The following GALNTL6 variants were observed in gnomAD, a reference collection of about 807,000 sequenced individuals.
GALNTL6 encodes polypeptide N-acetylgalactosaminyltransferase-like 6.
GALNTL6 carries 46 observed loss-of-function variants against 73.7 expected under a neutral mutation model. That is an observed-to-expected ratio of 0.62 (90% CI 0.49 to 0.80). The LOEUF is 0.80. GALNTL6 is among the 30% of genes least tolerant of loss of function. The probability of loss-of-function intolerance (pLI) is 0.00; values close to 1 mark genes in which losing one functional copy is unlikely to be tolerated. For missense variants in GALNTL6, 604 were observed against 755.0 expected (o/e 0.80, Z 2.34); for synonymous variants, 259 against 263.7 (o/e 0.98, Z 0.17).
At position 172,200,310 on chromosome 4, in the gene GALNTL6, G is replaced by A. The variant is rs1465269519; in HGVS notation, c.139-29346G>A. On this transcript the variant is annotated intron_variant, in intron 2 of 12. Coordinates refer to ENST00000506823, the MANE Select transcript of GALNTL6 (RefSeq NM_001034845.3). ...CCAGTTTAATTATGTTTAATTTAAA[G>A]TTGGAGTTTTAGGACTGCTGCTCAT... Among the ~76,000 whole-genome samples the A allele has an allele frequency of 3.3e-5, 5 of 152,132 alleles. No individual in the cohort carries two copies. In the East Asian group the frequency reaches 7.7e-4, roughly 23 times the overall value.
chr4:172,951,741 A>T (rs1211345091), intron 9 of GALNTL6, among the ~76,000 whole-genome samples: 1 of 152,254 alleles, frequency 6.6e-6, no homozygotes, highest in Non-Finnish European at 1.5e-5. Flanking sequence ...ATGAAATAAC[A>T]GAGGGAATGA....
At chr4:172,905,687 C>G (rs960058989) in intron 8 of GALNTL6, among the ~76,000 whole-genome samples, 4 of 151,674 alleles carry the variant, frequency 2.6e-5, no homozygotes, top group Non-Finnish European at 5.9e-5. Flanking sequence ...TAAAGTTTCC[C>G]TACATGGTAC....
chr4:172,602,580 G>A (rs1282664590), intron 5 of GALNTL6, among the ~76,000 whole-genome samples: 3 of 152,052 alleles, frequency 2.0e-5, no homozygotes, highest in Admixed American at 6.6e-5. Context: ...AATGGAATAT[G>A]AAAATGCTCA....
intron 2 of GALNTL6, among the ~76,000 whole-genome samples, chr4:171,857,980 G>A (rs1263677709): frequency 6.6e-6 from 1 of 152,116 alleles, no homozygotes; most frequent in African/African-American, 2.4e-5. Context: ...AAAGACATCG[G>A]TGCTTAGATC....
At chr4:172,750,652 A>G (rs1245150198) in intron 5 of GALNTL6, among the ~76,000 whole-genome samples, 2 of 152,160 alleles carry the variant, frequency 1.3e-5, no homozygotes, top group Non-Finnish European at 1.5e-5. Context: ...TTTATAATAT[A>G]ATACTCTCAA....
intron 2 of GALNTL6, among the ~76,000 whole-genome samples, chr4:172,106,788 A>G (rs1420899099): frequency 6.6e-6 from 1 of 152,248 alleles, no homozygotes; most frequent in Non-Finnish European, 1.5e-5. Context: ...GAACAAAAAA[A>G]GGGACCAACT....
At chr4:172,733,751 G>A (rs1046608608) in intron 5 of GALNTL6, among the ~76,000 whole-genome samples, 2 of 152,272 alleles carry the variant, frequency 1.3e-5, no homozygotes, top group South Asian at 2.1e-4. Context: ...CCAGCCATGT[G>A]GAACTGTGAT....
chr4:172,905,683 T>A (rs1346171745), intron 8 of GALNTL6, among the ~76,000 whole-genome samples: 1 of 151,882 alleles, frequency 6.6e-6, no homozygotes, highest in East Asian at 1.9e-4. Flanking sequence ...AATTTAAAGT[T>A]TCCCTACATG....
intron 10 of GALNTL6, among the ~76,000 whole-genome samples, chr4:172,978,335 G>A (rs1225367371): frequency 6.6e-6 from 1 of 152,108 alleles, no homozygotes; most frequent in Non-Finnish European, 1.5e-5. Flanking sequence ...GAAGAAAAGT[G>A]AGCACGTTAG....
intron 2 of GALNTL6, among the ~76,000 whole-genome samples, chr4:171,967,717 T>C (rs1739432170): frequency 6.6e-6 from 1 of 152,212 alleles, no homozygotes; most frequent in Non-Finnish European, 1.5e-5. Context: ...TTTATACTCA[T>C]TTCGTGACAT....
intron 2 of GALNTL6, among the ~76,000 whole-genome samples, chr4:172,046,488 G>T (rs749104896): frequency 6.6e-5 from 10 of 152,028 alleles, no homozygotes; most frequent in Non-Finnish European, 1.0e-4. Context: ...ATTTTCACTA[G>T]TTGTATACAA....
chr4:172,378,372 C>T (rs1254393673), intron 5 of GALNTL6, among the ~76,000 whole-genome samples: 1 of 152,058 alleles, frequency 6.6e-6, no homozygotes, highest in African/African-American at 2.4e-5. Context: ...ATAACATTAC[C>T]AGCATCAGAA....
intron 5 of GALNTL6, among the ~76,000 whole-genome samples, chr4:172,460,347 A>C (rs1036287772): frequency 7.2e-6 from 1 of 138,142 alleles, no homozygotes; most frequent in Non-Finnish European, 1.5e-5. Context: ...AAGCAATGGC[A>C]AAAAAAGCCA....
intron 3 of GALNTL6, among the ~76,000 whole-genome samples, chr4:172,263,900 G>A (rs1738341502): frequency 6.6e-6 from 1 of 151,614 alleles, no homozygotes; most frequent in South Asian, 2.1e-4. Flanking sequence ...GTAGTTTTGG[G>A]TTGTGAGTTG....
intron 5 of GALNTL6, among the ~76,000 whole-genome samples, chr4:172,423,747 C>T (rs961729378): frequency 1.3e-5 from 2 of 152,148 alleles, no homozygotes; most frequent in East Asian, 3.9e-4. Context: ...TTTATTCACT[C>T]ATGTATACTA....
intron 5 of GALNTL6, among the ~76,000 whole-genome samples, chr4:172,767,924 T>C (rs746694545): frequency 2.6e-5 from 4 of 152,100 alleles, no homozygotes; most frequent in Admixed American, 1.3e-4. Flanking sequence ...GGTGTCAGCC[T>C]CCCAAAGTGC....
intron 5 of GALNTL6, among the ~76,000 whole-genome samples, chr4:172,744,750 G>GA (rs1236118392): frequency 2.0e-5 from 3 of 151,820 alleles, no homozygotes; most frequent in Non-Finnish European, 4.4e-5. Context: ...GCCATTCTAG[G>GA]ATCCCATCAT....
chr4:171,878,546 A>G (rs144083171), intron 2 of GALNTL6, among the ~76,000 whole-genome samples: 82 of 152,306 alleles, frequency 5.4e-4, no homozygotes, highest in Non-Finnish European at 9.6e-4. Flanking sequence ...TGTCAATAAT[A>G]CGTATACATA....
chr4:172,428,451 C>T (rs1731307381), intron 5 of GALNTL6, among the ~76,000 whole-genome samples: 1 of 152,088 alleles, frequency 6.6e-6, no homozygotes, highest in African/African-American at 2.4e-5. Flanking sequence ...TATTATGACA[C>T]ATAGTATGAT....
Sources: gnomAD v4.1 joint callset for allele counts (sites outside exome capture counted in the v4.1 genomes callset) on GRCh38, gnomAD v4.1.1 for gene constraint, MANE v1.5 for transcripts, NCBI Gene and HGNC (gene_info 2026-07-23, HGNC 2026-07-21) for gene names.